CNIH3: variants seen among roughly 807,000 people sequenced by gnomAD.
The protein encoded by CNIH3 is cornichon family AMPA receptor auxiliary protein 3.
In CNIH3, 14 loss-of-function variants were observed where a neutral mutation model predicts 24.1. The observed-to-expected ratio is 0.58, with a 90% CI of 0.38 to 0.91. The LOEUF is 0.91. Among genes scored for constraint, CNIH3 ranks in the 40% least tolerant of loss-of-function variants. The pLI, the probability that CNIH3 is intolerant of heterozygous loss-of-function variation, is 0.00. For synonymous variants in CNIH3, 68 were observed against 73.8 expected (o/e 0.92, Z 0.40); for missense variants, 178 against 196.8 (o/e 0.90, Z 0.57).
chr1:224,608,361 C>A lies in CNIH3; in HGVS notation n.402+42097C>A, dbSNP rs192246483. 3.0e-3 allele frequency among the ~76,000 whole-genome samples: 452 copies of A among 152,234 alleles called. 1 individual carries two copies. The highest frequency in any genetic ancestry group is 0.01 in the African/African-American group (429 of 41,542). Reference sequence around the variant, plus strand: ...TAAAGAAGGAAGGGCTTTATTCGGCCGGGAGTGTTGGCAAGACTCATGTCT... The same window carrying A: ...TAAAGAAGGAAGGGCTTTATTCGGCAGGGAGTGTTGGCAAGACTCATGTCT... On this transcript the variant is annotated intron_variant and non_coding_transcript_variant, in intron 3 of 7. Transcript: ENST00000478120.
At chr1:224,469,471 A>G (rs113079195) in intron 1 of CNIH3, among the ~76,000 whole-genome samples, 173 of 152,274 alleles carry the variant, frequency 1.1e-3, no homozygotes, top group African/African-American at 4.0e-3. Context: ...TAATAAGTCC[A>G]ACTTGGTTAT....
intron 1 of CNIH3, among the ~76,000 whole-genome samples, chr1:224,478,629 C>T (rs1676679598): frequency 6.6e-6 from 1 of 152,180 alleles, no homozygotes; most frequent in Non-Finnish European, 1.5e-5. Flanking sequence ...ATATCTCTGT[C>T]TCTCTGGGAT....
intron 3 of CNIH3, among the ~76,000 whole-genome samples, chr1:224,594,530 T>C (rs1418010685): frequency 6.6e-6 from 1 of 152,028 alleles, no homozygotes; most frequent in South Asian, 2.1e-4. Flanking sequence ...AAGCAGGAGG[T>C]GTGGCACACA....
At chr1:224,638,067 T>C (rs1047310285) in intron 1 of CNIH3, among the ~76,000 whole-genome samples, 4 of 152,250 alleles carry the variant, frequency 2.6e-5, no homozygotes, top group African/African-American at 9.6e-5. Context: ...TTTCCTGCCC[T>C]AACAATAAAA....
At chr1:224,725,505 C>T (rs368162500) in intron 3 of CNIH3, among the ~76,000 whole-genome samples, 4 of 152,276 alleles carry the variant, frequency 2.6e-5, no homozygotes, top group East Asian at 3.9e-4. Context: ...TTGTCTGAGT[C>T]GACAGGGGCA....
intron 4 of CNIH3, among the ~76,000 whole-genome samples, chr1:224,572,258 G>C (rs746840957): frequency 3.3e-5 from 5 of 152,182 alleles, no homozygotes; most frequent in Non-Finnish European, 7.4e-5. Context: ...GCTCATGTCT[G>C]TAATCCCAGC....
At chr1:224,596,534 A>G (rs542261076) in intron 3 of CNIH3, among the ~76,000 whole-genome samples, 1 of 152,316 alleles carries the variant, frequency 6.6e-6, no homozygotes, top group South Asian at 2.1e-4. Context: ...TGGATTGAGG[A>G]GTATTTTCAG....
intron 3 of CNIH3, among the ~76,000 whole-genome samples, chr1:224,601,598 G>A (rs946863079): frequency 3.3e-5 from 5 of 151,666 alleles, no homozygotes; most frequent in African/African-American, 1.2e-4. Context: ...CATTCCTAGT[G>A]TAGGGGGGTC....
In CNIH3 at chr1:224,464,304, AT is replaced by A. The variant is rs955014989; in HGVS notation, n.203+29452del. ...TAGGTCAATGCTCTATTTTGAATTG[AT>A]TTTTTTTTTGAGATGGGGTCTCTAT... On this transcript the variant is annotated intron_variant and non_coding_transcript_variant, in intron 1 of 5. Coordinates refer to the CNIH3 transcript ENST00000471578. Among the ~76,000 whole-genome samples, 1,000 of 148,672 alleles carry A rather than the reference AT, an allele frequency of 6.7e-3. 12 individuals carry two copies. The highest frequency in any genetic ancestry group is 0.023 in the African/African-American group (949 of 40,548).
intron 1 of CNIH3, among the ~76,000 whole-genome samples, chr1:224,677,000 T>G (rs914922945): frequency 6.6e-5 from 10 of 152,200 alleles, no homozygotes; most frequent in African/African-American, 2.4e-4. Context: ...GGAGGCAGAA[T>G]AACGTAATGG....
intron 3 of CNIH3, among the ~76,000 whole-genome samples, chr1:224,716,231 TTTGA>T (rs1321295806): frequency 6.6e-6 from 1 of 152,204 alleles, no homozygotes; most frequent in Non-Finnish European, 1.5e-5. Flanking sequence ...CTACTTCAGC[TTTGA>T]TTATTATTCT....
At chr1:224,690,573 C>T (rs761948964) in intron 3 of CNIH3, among the ~76,000 whole-genome samples, 12 of 152,272 alleles carry the variant, frequency 7.9e-5, no homozygotes, top group Non-Finnish European at 1.5e-4. Context: ...ATGTTGGGGA[C>T]ATTTAGTTGC....
At chr1:224,685,358 G>A (rs752460334) in intron 3 of CNIH3, among the ~76,000 whole-genome samples, 3 of 152,196 alleles carry the variant, frequency 2.0e-5, no homozygotes, top group Non-Finnish European at 4.4e-5. Flanking sequence ...TCAGAGAGTT[G>A]CTCTGAATGG....
chr1:224,735,818 A>AT (rs946121874), intron 5 of CNIH3, among the ~76,000 whole-genome samples: 50 of 144,236 alleles, frequency 3.5e-4, no homozygotes, highest in East Asian at 1.0e-3. Flanking sequence ...GCCCGGCTAT[A>AT]TTTTTTTTTT....
chr1:224,641,972 T>C (rs184965509), intron 1 of CNIH3, among the ~76,000 whole-genome samples: 117 of 152,344 alleles, frequency 7.7e-4, no homozygotes, highest in African/African-American at 2.7e-3. Flanking sequence ...AGCATGTGCA[T>C]GTGAATCACC....
chr1:224,506,283 G>GCGCA (rs1553259702), intron 1 of CNIH3, among the ~76,000 whole-genome samples: 7 of 77,934 alleles, frequency 9.0e-5, no homozygotes, highest in Non-Finnish European at 1.9e-4. Flanking sequence ...GCGCGCGCGC[G>GCGCA]CGCGCACACA....
At position 224,703,557 on chromosome 1, in the gene CNIH3, C is replaced by T. The variant is rs190051926; in HGVS notation, c.198+18714C>T. On this transcript the variant is annotated intron_variant, in intron 3 of 5. Coordinates refer to ENST00000272133, the MANE Select transcript of CNIH3 (RefSeq NM_152495.2). This position sits in a 1 kb window ranked among gnomAD's most constrained non-coding sequence, Gnocchi z 4.2. ...GCAGTGTTAGTTATCATGGTTAGGG[C>T]GCTGAGTTTCATCAGCCTGGCTGTG... Among the ~76,000 whole-genome samples the T allele has an allele frequency of 2.5e-4, 38 of 152,160 alleles. No homozygotes were observed. The highest frequency in any genetic ancestry group is 8.4e-4 in the African/African-American group (35 of 41,538).
chr1:224,707,079 T>C (rs1415872402), intron 3 of CNIH3, among the ~76,000 whole-genome samples: 1 of 147,600 alleles, frequency 6.8e-6, no homozygotes, highest in Non-Finnish European at 1.5e-5. Flanking sequence ...TCCTCCCATC[T>C]CAGCCTCCTG....
chr1:224,505,028 C>CCTTCCTTCCTTCCTTCCTT (rs1677845038), intron 1 of CNIH3, among the ~76,000 whole-genome samples: 2 of 49,912 alleles, frequency 4.0e-5, no homozygotes, highest in African/African-American at 1.7e-4. Context: ...CTCCCTCCCT[C>CCTTCCTTCCTTCCTTCCTT]CCTCCCTTCC....
Sources: gnomAD v4.1 joint callset for allele counts (sites outside exome capture counted in the v4.1 genomes callset) on GRCh38, gnomAD v4.1.1 for gene constraint, Gnocchi (gnomAD v3.1) non-coding constraint, MANE v1.5 for transcripts, NCBI Gene and HGNC (gene_info 2026-07-23, HGNC 2026-07-21) for gene names.